The following MLLT10 variants were observed in gnomAD, a reference collection of about 807,000 sequenced individuals.
MLLT10 encodes the protein MLLT10 histone lysine methyltransferase DOT1L cofactor, also known as protein AF-10.
In MLLT10, 30 loss-of-function variants were observed where a neutral mutation model predicts 129.1. The ratio of observed to expected loss-of-function variants is 0.23; its 90% CI spans 0.17 to 0.32. The LOEUF (loss-of-function observed/expected upper bound fraction) is 0.32, where lower values mean the gene tolerates loss of function less well. MLLT10 is among the 10% of genes least tolerant of loss of function. MLLT10 has a pLI of 1.00. For synonymous variants in MLLT10, 490 were observed against 446.4 expected, an observed-to-expected ratio of 1.10 and a Z score of -1.23; for missense variants, 1,119 against 1,268.3, an observed-to-expected ratio of 0.88 and a Z score of 1.79.
rs1040984764 is a variant in MLLT10, at chr10:21,731,076, T to C, written c.2218+22T>C. 13 of 1,591,046 alleles carry C rather than the reference T, an allele frequency of 8.2e-6. 1 individual carries two copies. The highest frequency in any genetic ancestry group is 1.0e-5 in the Non-Finnish European group (12 of 1,169,960). On this transcript the variant is annotated intron_variant, in intron 17 of 22. Transcript: ENST00000307729. ...GACAGTAAGTATTCATTTTCTTATATGTGAATCAAGACAGATGGGCAGATG... is the reference window on the plus strand; with the variant it reads ...GACAGTAAGTATTCATTTTCTTATACGTGAATCAAGACAGATGGGCAGATG...
At chr10:21,723,628 C>T (rs554875353) in intron 14 of MLLT10, among the ~76,000 whole-genome samples, 2 of 152,204 alleles carry the variant, frequency 1.3e-5, no homozygotes, top group East Asian at 1.9e-4. Context: ...GGAGGACCAC[C>T]GTATCCGCAT....
intron 5 of MLLT10, among the ~76,000 whole-genome samples, chr10:21,607,903 A>G (rs2044222198): frequency 6.6e-6 from 1 of 151,864 alleles, no homozygotes; most frequent in Admixed American, 6.6e-5. Flanking sequence ...TTTTTGTCAC[A>G]TCTGGAGCAA....
chr10:21,625,142 C>G, intron 8 of MLLT10: 1 of 1,092,098 alleles, frequency 9.2e-7, no homozygotes, highest in East Asian at 2.4e-5. Context: ...TCGGAAGCGG[C>G]ATGCGAGGAG....
rs7101126 is a variant in MLLT10, at chr10:21,632,223, A to G, written c.699+15016A>G. Reference sequence around the variant, plus strand: ...TGTGCATCAATTAATTGGCATGTCCATGAAATAGAATGTTATGGCTAACTG... The same window carrying G: ...TGTGCATCAATTAATTGGCATGTCCGTGAAATAGAATGTTATGGCTAACTG... On this transcript the variant is annotated intron_variant, in intron 8 of 22. Transcript: ENST00000307729. 5.7e-3 allele frequency among the ~76,000 whole-genome samples: 869 copies of G among 152,342 alleles called. 6 individuals carry two copies. Among genetic ancestry groups the G allele is most frequent in the African/African-American group, 0.019 (810 of 41,586 alleles).
intron 9 of MLLT10, among the ~76,000 whole-genome samples, chr10:21,655,444 C>T (rs774790241): frequency 6.6e-5 from 10 of 152,098 alleles, no homozygotes; most frequent in Non-Finnish European, 1.2e-4. Context: ...GGCAGTGTTC[C>T]AGCAAAACTT....
chr10:21,732,914 A>G lies in MLLT10; in HGVS notation c.2234A>G (p.Lys745Arg). 1 of 1,613,642 alleles carries G rather than the reference A, an allele frequency of 6.2e-7. No individual in the cohort carries two copies. The highest frequency in any genetic ancestry group is 8.5e-7 in the Non-Finnish European group (1 of 1,179,836). ...GTPSDILGML[K>R]SLHQLQVENR... ...TGTGTGGTAGTTTTAGGAATGCTGA[A>G]GTCATTACACCAACTTCAAGTTGAA... is the stretch of plus-strand genomic sequence containing the variant. The change falls in exon 18 of 23, where the codon AAG becomes AGG. Residue 745 changes from lysine (K) to arginine (R), a missense_variant. This residue lies in a region of MLLT10 where 1,004 missense variants were observed against 1,008.7 expected (regional missense o/e 1.00). Transcript: ENST00000307729.
intron 13 of MLLT10, among the ~76,000 whole-genome samples, chr10:21,712,318 A>T (rs1001186574): frequency 2.0e-5 from 3 of 152,018 alleles, no homozygotes; most frequent in South Asian, 2.1e-4. Flanking sequence ...GGCTCAAGTG[A>T]TCCTCACACC....
At chr10:21,579,377 T>C (rs2041127307) in intron 3 of MLLT10, among the ~76,000 whole-genome samples, 1 of 152,128 alleles carries the variant, frequency 6.6e-6, no homozygotes, top group Admixed American at 6.5e-5. Flanking sequence ...TTTTTTCAAA[T>C]TGAAGAAATT....
intron 9 of MLLT10, among the ~76,000 whole-genome samples, chr10:21,652,921 T>C (rs1322987659): frequency 1.3e-5 from 2 of 152,158 alleles, no homozygotes; most frequent in East Asian, 3.8e-4. Context: ...ACAGATAAGT[T>C]AGAGGCATAT....
intron 8 of MLLT10, chr10:21,624,778 C>A (rs1002768279): frequency 6.4e-6 from 7 of 1,100,132 alleles, no homozygotes; most frequent in African/African-American, 1.6e-5. Context: ...CCTTCTCTTG[C>A]GTCCTACATT....
chr10:21,557,980 C>T (rs1408187530), intron 3 of MLLT10, among the ~76,000 whole-genome samples: 16 of 117,162 alleles, frequency 1.4e-4, no homozygotes, highest in African/African-American at 1.7e-4. Context: ...GACAGAGTCT[C>T]GCTCTTTTGC....
intron 3 of MLLT10, among the ~76,000 whole-genome samples, chr10:21,549,683 A>T (rs1377130218): frequency 8.2e-6 from 1 of 121,362 alleles, no homozygotes. Flanking sequence ...TTTTTTTGAG[A>T]GAGTGTCTTG....
intron 11 of MLLT10, among the ~76,000 whole-genome samples, chr10:21,677,261 T>C (rs548404074): frequency 1.0e-3 from 157 of 152,346 alleles, no homozygotes; most frequent in African/African-American, 3.6e-3. Context: ...GTGTTTCTTA[T>C]TGGTATGAAA....
intron 8 of MLLT10, chr10:21,625,586 T>A: frequency 1.3e-6 from 1 of 760,466 alleles, no homozygotes; most frequent in Non-Finnish European, 2.5e-6. Context: ...CCCCCATTTC[T>A]TCTTTTTGTC....
chr10:21,695,078 T>A (rs2054230943), intron 13 of MLLT10, among the ~76,000 whole-genome samples: 1 of 149,390 alleles, frequency 6.7e-6, no homozygotes, highest in South Asian at 2.2e-4. Flanking sequence ...TTTTTTTTTT[T>A]TTTGTTTGGA....
intron 13 of MLLT10, among the ~76,000 whole-genome samples, chr10:21,691,705 A>C (rs988860294): frequency 2.0e-5 from 3 of 152,178 alleles, no homozygotes; most frequent in Non-Finnish European, 1.5e-5. Flanking sequence ...AAAATTTAAA[A>C]AGAAAGAAAT....
rs759184150 is a variant in MLLT10 at position 21,740,050 on chromosome 10, G to C, written c.2976G>C (p.Leu992Phe). Residue 992 changes from leucine to phenylalanine, a missense_variant, in exon 22 of 23, where the codon TTG (leucine) becomes TTC (phenylalanine). By Grantham distance (22) the Leu-to-Phe change is conservative. Coordinates refer to ENST00000307729, the MANE Select transcript of MLLT10 (RefSeq NM_001195626.3). ...CTAAGGAACAACATCAAGCCTTTTT[G>C]TATCAGTTAATGCAACATCACCACC... The part of the protein sequence containing the change: ...QLTPEQHQAF[L>F]YQLMQHHHQQ... 4.3e-6 allele frequency: 7 copies of C among 1,609,848 alleles called. No homozygotes were observed. The highest frequency in any genetic ancestry group is 3.3e-4 in the Middle Eastern group (2 of 6,058).
intron 4 of MLLT10, among the ~76,000 whole-genome samples, chr10:21,587,800 A>C (rs2042132661): frequency 6.6e-6 from 1 of 152,224 alleles, no homozygotes; most frequent in Non-Finnish European, 1.5e-5. Flanking sequence ...TTATACAGTC[A>C]GATTGTACAG....
chr10:21,555,363 C>T (rs1273313045), intron 3 of MLLT10, among the ~76,000 whole-genome samples: 1 of 151,916 alleles, frequency 6.6e-6, no homozygotes, highest in Non-Finnish European at 1.5e-5. Flanking sequence ...GCTGGGATTA[C>T]AGGCGCCTGC....
Sources: gnomAD v4.1 joint callset for allele counts (sites outside exome capture counted in the v4.1 genomes callset) on GRCh38, gnomAD v4.1.1 for gene constraint, gnomAD v4.1.1 regional missense constraint, MANE v1.5 for transcripts, NCBI Gene and HGNC (gene_info 2026-07-23, HGNC 2026-07-21) for gene names.